LRBA: variants seen among roughly 807,000 people sequenced by gnomAD.
The protein encoded by LRBA is lipopolysaccharide-responsive and beige-like anchor protein.
Under a neutral mutation model 330.0 loss-of-function variants are expected in LRBA, and 176 were observed. The ratio of observed to expected loss-of-function variants is 0.53; its 90% CI spans 0.47 to 0.60. The LOEUF (loss-of-function observed/expected upper bound fraction) is 0.60, where lower values mean the gene tolerates loss of function less well. LRBA is among the 20% of genes least tolerant of loss of function. The pLI is 0.00. For synonymous variants in LRBA, 1,230 were observed against 1,193.0 expected (o/e 1.03, Z -0.64); for missense variants, 3,259 against 3,444.8 (o/e 0.95, Z 1.35).
At chr4:150,514,612 C>T (rs1762152437) in intron 40 of LRBA, among the ~76,000 whole-genome samples, 1 of 152,106 alleles carries the variant, frequency 6.6e-6, no homozygotes, top group African/African-American at 2.4e-5. Flanking sequence ...GGAACACTTT[C>T]CTTCTGTGGT....
intron 56 of LRBA, among the ~76,000 whole-genome samples, chr4:150,270,906 T>G (rs891425382): frequency 2.0e-5 from 3 of 152,354 alleles, no homozygotes; most frequent in South Asian, 4.1e-4. Flanking sequence ...ATGATGATAC[T>G]TCTTCAGGCT....
chr4:150,908,507 T>C lies in LRBA; in HGVS notation c.1360-40A>G, dbSNP rs1201207. On this transcript the variant is annotated intron_variant, in intron 10 of 56. Transcript: ENST00000651943. ...AACACAGTAAAGAGTTCAATGATTT[T>C]TTTTCCAAAACAATTAAAAATAAGG... is the stretch of plus-strand genomic sequence containing the variant. The C allele has an allele frequency of 0.99, 1,540,333 of 1,552,284 alleles. 764,882 individuals are homozygous for C. The highest frequency in any genetic ancestry group is 1 in the East Asian group (44,301 of 44,320).
chr4:150,991,662 G>GA (rs759541373), intron 2 of LRBA, among the ~76,000 whole-genome samples: 88 of 152,292 alleles, frequency 5.8e-4, no homozygotes, highest in Non-Finnish European at 9.4e-4. Flanking sequence ...TAGGGATGGG[G>GA]AAGAGAGAAA....
intron 37 of LRBA, among the ~76,000 whole-genome samples, chr4:150,639,121 C>T (rs1239412784): frequency 2.1e-5 from 3 of 146,092 alleles, no homozygotes; most frequent in African/African-American, 7.6e-5. Flanking sequence ...CCAAACACTG[C>T]ATATTCTCAC....
At chr4:150,694,306 A>T (rs1784417026) in intron 36 of LRBA, among the ~76,000 whole-genome samples, 1 of 151,964 alleles carries the variant, frequency 6.6e-6, no homozygotes, top group South Asian at 2.1e-4. Flanking sequence ...TTCCTTCTCA[A>T]TTTGTCTCAA....
chr4:150,484,754 T>C (rs1757676279), intron 42 of LRBA, among the ~76,000 whole-genome samples: 1 of 151,846 alleles, frequency 6.6e-6, no homozygotes, highest in African/African-American at 2.4e-5. Flanking sequence ...CCCTCCCCCT[T>C]ACCCTCTCCC....
At chr4:150,325,474 T>C (rs1733122068) in intron 49 of LRBA, among the ~76,000 whole-genome samples, 2 of 152,146 alleles carry the variant, frequency 1.3e-5, no homozygotes, top group Admixed American at 1.3e-4. Flanking sequence ...AAAACTAATC[T>C]AGAAACTCAG....
chr4:150,810,961 T>C lies in LRBA; in HGVS notation c.5306-2563A>G, dbSNP rs182053031. Among the ~76,000 whole-genome samples, 78 of 152,330 alleles carry C rather than the reference T, an allele frequency of 5.1e-4. 1 individual carries two copies. Among genetic ancestry groups the C allele is most frequent in the Non-Finnish European group, 6.2e-4 (42 of 68,026 alleles). ...TCACATTTCATCATAAAAATATTGC[T>C]ATTTTTGTGTTTTTCACAATAAAAT... On this transcript the variant is annotated intron_variant, in intron 31 of 56. Coordinates refer to ENST00000651943, the MANE Select transcript of LRBA (RefSeq NM_001364905.1).
intron 47 of LRBA, among the ~76,000 whole-genome samples, chr4:150,383,219 C>T (rs969862918): frequency 4.6e-5 from 7 of 151,998 alleles, no homozygotes; most frequent in African/African-American, 1.7e-4. Flanking sequence ...GGAAAGGTTG[C>T]TTAAAATATA....
chr4:150,816,373 C>G (rs1360640598), intron 31 of LRBA, among the ~76,000 whole-genome samples: 2 of 151,908 alleles, frequency 1.3e-5, no homozygotes, highest in Non-Finnish European at 2.9e-5. Flanking sequence ...ACAGTAACAT[C>G]CCTTTTGTTA....
intron 2 of LRBA, among the ~76,000 whole-genome samples, chr4:150,963,889 T>C (rs960828479): frequency 4.2e-5 from 6 of 142,960 alleles, no homozygotes; most frequent in Admixed American, 4.1e-4. Context: ...TCATCTGGGA[T>C]GTGGGGAGCG....
At chr4:150,379,303 CAAAAA>C (rs10634420) in intron 47 of LRBA, among the ~76,000 whole-genome samples, 1 of 59,884 alleles carries the variant, frequency 1.7e-5, no homozygotes, top group Non-Finnish European at 2.8e-5. Context: ...AACTCTAGCT[CAAAAA>C]AAAAAAAAAA....
At chr4:150,348,742 C>T (rs539550999) in intron 48 of LRBA, among the ~76,000 whole-genome samples, 1 of 152,012 alleles carries the variant, frequency 6.6e-6, no homozygotes, top group South Asian at 2.1e-4. Context: ...TAAAGTATTA[C>T]GTTCAAATAT....
At chr4:150,842,063 T>C (rs947857132) in intron 28 of LRBA, among the ~76,000 whole-genome samples, 6 of 152,244 alleles carry the variant, frequency 3.9e-5, no homozygotes, top group African/African-American at 1.2e-4. Context: ...AAGGTGATTA[T>C]ATAACTTTTA....
chr4:150,785,086 C>T (rs754885641), intron 34 of LRBA, among the ~76,000 whole-genome samples: 10 of 152,120 alleles, frequency 6.6e-5, no homozygotes, highest in Non-Finnish European at 1.2e-4. Flanking sequence ...AATCAGTCTC[C>T]CCAAAACCTG....
chr4:150,415,008 A>G (rs1447332419), intron 47 of LRBA, among the ~76,000 whole-genome samples: 4 of 152,236 alleles, frequency 2.6e-5, no homozygotes, highest in Non-Finnish European at 5.9e-5. Context: ...TATTCTCAAT[A>G]TTACACGAAG....
intron 16 of LRBA, among the ~76,000 whole-genome samples, chr4:150,895,319 C>T (rs1358275311): frequency 6.6e-6 from 1 of 151,840 alleles, no homozygotes; most frequent in African/African-American, 2.4e-5. Flanking sequence ...TTTTAGGGTA[C>T]ATGTGCACAA....
chr4:150,472,952 T>C (rs1756315970), intron 42 of LRBA, among the ~76,000 whole-genome samples: 1 of 152,174 alleles, frequency 6.6e-6, no homozygotes, highest in Middle Eastern at 3.2e-3. Flanking sequence ...TTCATGTATA[T>C]ATCTTTATAT....
intron 44 of LRBA, among the ~76,000 whole-genome samples, chr4:150,447,279 G>A (rs1220015576): frequency 1.3e-5 from 2 of 152,198 alleles, no homozygotes; most frequent in African/African-American, 4.8e-5. Flanking sequence ...TGGTATGTCT[G>A]TGAAGATGTT....
Sources: allele counts gnomAD v4.1 joint callset (sites outside exome capture counted in the v4.1 genomes callset), GRCh38; gene constraint gnomAD v4.1.1; transcripts MANE v1.5; gene names NCBI Gene and HGNC (gene_info 2026-07-23, HGNC 2026-07-21).